Variants in MAP4K3 observed in about 807,000 individuals in gnomAD.
The protein encoded by MAP4K3 is MAPK/ERK kinase kinase kinase 3.
MAP4K3 carries 94 observed loss-of-function variants against 143.5 expected under a neutral mutation model. That is an observed-to-expected ratio of 0.65 (90% confidence interval 0.55 to 0.78). MAP4K3 has a LOEUF of 0.78. Ranked by LOEUF, MAP4K3 falls within the 30% of genes least tolerant of loss-of-function variation. MAP4K3 has a pLI of 0.00. For synonymous variants in MAP4K3, 416 were observed against 347.2 expected (o/e 1.20, Z -2.20); for missense variants, 1,077 against 1,068.1 (o/e 1.01, Z -0.12).
At chr2:39,344,435 A>G (rs1411324347) in intron 3 of MAP4K3, among the ~76,000 whole-genome samples, 1 of 152,250 alleles carries the variant, frequency 6.6e-6, no homozygotes, top group East Asian at 1.9e-4. Flanking sequence ...TTCTTGACAT[A>G]TGATGATTGT....
At position 39,254,450 on chromosome 2, in the gene MAP4K3, C is replaced by G; in HGVS notation, c.2541G>C (p.Glu847Asp). ...GMQGRSFRSNEVTQEISDSTR... is the reference protein window; with the variant it reads ...GMQGRSFRSNDVTQEISDSTR... Reference sequence around the variant, plus strand: ...TACTTAATGGACATAATTTACTTACCTCATTAGATCTAAAACTTCTACCTT... The same window carrying G: ...TACTTAATGGACATAATTTACTTACGTCATTAGATCTAAAACTTCTACCTT... Residue 847 changes from glutamate to aspartate, a missense_variant and splice_region_variant, in exon 32 of 34, where the codon GAG becomes GAC. Around this residue, in one of 2 missense-constraint regions of MAP4K3, gnomAD observed 864 missense variants for 801.2 expected, o/e 1.08. Transcript: ENST00000263881. 2 of 1,612,480 alleles carry G rather than the reference C, an allele frequency of 1.2e-6. No homozygotes were observed. The highest frequency in any genetic ancestry group is 1.7e-6 in the Non-Finnish European group (2 of 1,178,768).
chr2:39,428,089 TTA>T (rs140312383), intron 1 of MAP4K3, among the ~76,000 whole-genome samples: 10,229 of 152,220 alleles, frequency 0.067, 1,156 homozygotes, highest in African/African-American at 0.23. Context: ...CCTACAGTAT[TTA>T]TATAGTTTTA....
intron 2 of MAP4K3, among the ~76,000 whole-genome samples, chr2:39,362,048 T>C (rs192335722): frequency 3.9e-5 from 6 of 152,162 alleles, no homozygotes; most frequent in Non-Finnish European, 8.8e-5. Flanking sequence ...ACTGTATTAA[T>C]GTAATTCCAA....
In MAP4K3 at chr2:39,309,548, ATTTTTTTTTTT is replaced by A. The variant is rs749101883; in HGVS notation, c.998-40_998-30del. 8.5e-4 allele frequency: 287 copies of A among 339,382 alleles called. 3 individuals are homozygous for A. The highest frequency in any genetic ancestry group is 1.2e-3 in the Non-Finnish European group (249 of 211,020). 21.0% of individuals were successfully genotyped at this position (339,382 alleles called of 1,614,324 possible). A position where few individuals can be genotyped will look rare whatever the true frequency, so the allele number is the denominator to read the frequency against. On this transcript the variant is annotated intron_variant, in intron 13 of 33. Coordinates refer to ENST00000263881, the MANE Select transcript of MAP4K3 (RefSeq NM_003618.4). Reference sequence around the variant, plus strand: ...AAAAAGAAAAAAAAGTAAAACCAGGATTTTTTTTTTTTTTTTTTTTTTTTTTTGAGGCAGAG... The same window carrying A: ...AAAAAGAAAAAAAAGTAAAACCAGGATTTTTTTTTTTTTTTTGAGGCAGAG...
chr2:39,261,550 G>A (rs906310247), intron 28 of MAP4K3, among the ~76,000 whole-genome samples: 3 of 152,162 alleles, frequency 2.0e-5, no homozygotes, highest in African/African-American at 7.2e-5. Context: ...ACATAGAGTG[G>A]CATAGCCAGA....
rs116606121 is a variant in MAP4K3, at chr2:39,407,615, A to G, written c.96+29277T>C. ...GAGACAGGATCTCACTCTATTGCCCAGGCTGAAGTGCTGTGGCATGACCTT... is the reference window on the plus strand; with the variant it reads ...GAGACAGGATCTCACTCTATTGCCCGGGCTGAAGTGCTGTGGCATGACCTT... On this transcript the variant is annotated intron_variant, in intron 1 of 33. Transcript: ENST00000263881. 6.0e-3 allele frequency among the ~76,000 whole-genome samples: 921 copies of G among 152,266 alleles called. 10 individuals are homozygous for G. The highest frequency in any genetic ancestry group is 0.021 in the African/African-American group (883 of 41,548).
chr2:39,304,724 G>C (rs529971398), intron 15 of MAP4K3, among the ~76,000 whole-genome samples: 1 of 152,096 alleles, frequency 6.6e-6, no homozygotes, highest in Non-Finnish European at 1.5e-5. Context: ...CAAAAGAATC[G>C]AAAGCAGGGA....
At chr2:39,272,191 A>C in intron 26 of MAP4K3, 92 bp downstream of exon 26, 1 of 939,798 alleles carries the variant, frequency 1.1e-6, no homozygotes, top group Non-Finnish European at 1.7e-6. Flanking sequence ...ATTTTTATTA[A>C]CCCAAACTGA....
At chr2:39,350,206 C>T (rs1363335072) in intron 3 of MAP4K3, among the ~76,000 whole-genome samples, 3 of 152,190 alleles carry the variant, frequency 2.0e-5, no homozygotes, top group East Asian at 1.9e-4. Flanking sequence ...AACAAATTAA[C>T]ATCAACTTTC....
In MAP4K3 at chr2:39,271,935, G is replaced by T. The variant is rs62138509; in HGVS notation, c.1973+348C>A. ...TCAATAAATCATTTTGATTTTCTAG[G>T]TATAGAAACTTTGAGAAAAATTTTA... On this transcript the variant is annotated intron_variant, in intron 26 of 33. Coordinates refer to ENST00000263881, the MANE Select transcript of MAP4K3 (RefSeq NM_003618.4). 1,450 of 173,812 alleles carry T rather than the reference G, an allele frequency of 8.3e-3. 13 individuals are homozygous for T. Among genetic ancestry groups the T allele is most frequent in the Non-Finnish European group, 0.014 (1,141 of 82,360 alleles). The allele number at this position is 173,812 out of a possible 1,614,324, so 10.8% of individuals were successfully genotyped here.
intron 3 of MAP4K3, among the ~76,000 whole-genome samples, chr2:39,344,998 A>C (rs1174029172): frequency 6.6e-6 from 1 of 152,208 alleles, no homozygotes; most frequent in African/African-American, 2.4e-5. Flanking sequence ...ATCTCTAGTC[A>C]GTCCTTGTGT....
rs145277853 is a variant in MAP4K3, at chr2:39,399,782, C to T, written c.97-21659G>A. On this transcript the variant is annotated intron_variant, in intron 1 of 33. Transcript: ENST00000263881. ...AAACTATGCCAAAAAGTTAAGGGCTCCTGTTACAAGCATACATTTTAGTGT... is the reference window on the plus strand; with the variant it reads ...AAACTATGCCAAAAAGTTAAGGGCTTCTGTTACAAGCATACATTTTAGTGT... Among the ~76,000 whole-genome samples the T allele has an allele frequency of 1.5e-3, 225 of 152,238 alleles. 6 individuals are homozygous for T. In the East Asian group the frequency reaches 0.026, roughly 18 times the overall value.
chr2:39,336,716 A>G (rs1350582981), intron 6 of MAP4K3, among the ~76,000 whole-genome samples: 2 of 152,094 alleles, frequency 1.3e-5, no homozygotes, highest in Non-Finnish European at 2.9e-5. Context: ...TGAATGATAT[A>G]CTTTAAAAGG....
chr2:39,311,642 A>G (rs77903832), intron 13 of MAP4K3, among the ~76,000 whole-genome samples: 3,492 of 152,336 alleles, frequency 0.023, 138 homozygotes, highest in African/African-American at 0.081. Context: ...AGCCCTAAAG[A>G]GAGGCCTCCT....
chr2:39,260,165 G>A (rs1266114387), intron 29 of MAP4K3, among the ~76,000 whole-genome samples: 1 of 152,178 alleles, frequency 6.6e-6, no homozygotes, highest in Non-Finnish European at 1.5e-5. Context: ...CCAGGGTGGA[G>A]TACAATGGTG....
Position 39,325,790 on chromosome 2 carries a change from A to G in MAP4K3, c.747T>C (p.Phe249=). The change falls in exon 11 of 34, where the codon TTT becomes TTC. Residue 249 remains phenylalanine (F), a synonymous_variant. Transcript: ENST00000263881. ...GATTTTTGGTAAGTGCCATTTTCACAAAGTGATGAAAACTATTTGACCTAA... is the reference window on the plus strand; with the variant it reads ...GATTTTTGGTAAGTGCCATTTTCACGAAGTGATGAAAACTATTTGACCTAA... ...KMKWSNSFHH[F]VKMALTKNPK... is the part of the protein sequence containing the mutation. The G allele has an allele frequency of 1.2e-6, 2 of 1,608,602 alleles. No individual in the cohort carries two copies. The highest frequency in any genetic ancestry group is 1.7e-6 in the Non-Finnish European group (2 of 1,178,038).
At chr2:39,409,184 T>A (rs1436212063) in intron 1 of MAP4K3, among the ~76,000 whole-genome samples, 4 of 152,250 alleles carry the variant, frequency 2.6e-5, no homozygotes, top group South Asian at 2.1e-4. Flanking sequence ...CTCTTCCTTA[T>A]GATTTCTTCG....
rs1683476569 is a variant in MAP4K3 at position 39,325,918 on chromosome 2, G to C, written c.706C>G (p.Leu236Val). Reference protein sequence around the residue: ...MTKSNFQPPKLKDKMKWSNSF... With the variant: ...MTKSNFQPPKVKDKMKWSNSF... ...ACTTACCATTTCATTTTATCCTTTAGTTTAGGAGGCTGAAAATTGCTTTTT... is the reference window on the plus strand; with the variant it reads ...ACTTACCATTTCATTTTATCCTTTACTTTAGGAGGCTGAAAATTGCTTTTT... Residue 236 changes from leucine to valine, a missense_variant, in exon 10 of 34, where the codon CTA becomes GTA. By Grantham distance (32) the Leu-to-Val change is conservative. Transcript: ENST00000263881. The C allele has an allele frequency of 6.3e-7, 1 of 1,594,860 alleles. No individual in the cohort carries two copies. Among genetic ancestry groups the C allele is most frequent in the Non-Finnish European group, 8.6e-7 (1 of 1,165,276 alleles).
intron 1 of MAP4K3, among the ~76,000 whole-genome samples, chr2:39,417,404 A>G (rs1667413666): frequency 6.6e-6 from 1 of 152,126 alleles, no homozygotes; most frequent in Non-Finnish European, 1.5e-5. Flanking sequence ...TATTTTTAGT[A>G]GAGACGTGGT....
Sources: allele counts gnomAD v4.1 joint callset (sites outside exome capture counted in the v4.1 genomes callset), GRCh38; gene constraint gnomAD v4.1.1; regional missense constraint gnomAD v4.1.1; transcripts MANE v1.5; gene names NCBI Gene and HGNC (gene_info 2026-07-23, HGNC 2026-07-21).